The following LTBP1 variants were observed in gnomAD, a reference collection of about 807,000 sequenced individuals.
The protein encoded by LTBP1 is latent transforming growth factor beta binding protein 1.
Under a neutral mutation model 207.6 loss-of-function variants are expected in LTBP1, and 129 were observed. The ratio of observed to expected loss-of-function variants is 0.62; its 90% confidence interval spans 0.54 to 0.72. The LOEUF is 0.72. LTBP1 is among the 30% of genes least tolerant of loss of function. The pLI is 0.00. For missense variants in LTBP1, 2,281 were observed against 2,217.2 expected (o/e 1.03, Z -0.58); for synonymous variants, 963 against 833.7 (o/e 1.16, Z -2.67).
intron 7 of LTBP1, among the ~76,000 whole-genome samples, chr2:33,207,072 C>G (rs2089940446): frequency 6.6e-6 from 1 of 152,114 alleles, no homozygotes; most frequent in African/African-American, 2.4e-5. Context: ...ATATCACAGC[C>G]TGGAAGAAGA....
At chr2:33,303,701 G>A (rs988921670) in intron 22 of LTBP1, among the ~76,000 whole-genome samples, 3 of 152,082 alleles carry the variant, frequency 2.0e-5, no homozygotes, top group South Asian at 4.1e-4. Flanking sequence ...CCTCACATGC[G>A]CTGTTCACAA....
chr2:33,184,613 C>T (rs909259627), intron 5 of LTBP1, among the ~76,000 whole-genome samples: 11 of 152,034 alleles, frequency 7.2e-5, no homozygotes, highest in African/African-American at 2.7e-4. Context: ...TCATACTTTC[C>T]AGTTACCGCT....
chr2:33,160,142 G>A (rs1236327122), intron 5 of LTBP1, among the ~76,000 whole-genome samples: 1 of 152,162 alleles, frequency 6.6e-6, no homozygotes, highest in East Asian at 1.9e-4. Context: ...GCCTCCCAAA[G>A]TGCTAGGATA....
At chr2:33,081,745 C>T (rs1034876526) in intron 3 of LTBP1, among the ~76,000 whole-genome samples, 14 of 152,072 alleles carry the variant, frequency 9.2e-5, no homozygotes, top group African/African-American at 3.1e-4. Flanking sequence ...CCCCATATGT[C>T]GTGGGAGGGA....
chr2:33,092,300 G>A (rs35059012), intron 3 of LTBP1, among the ~76,000 whole-genome samples: 26,348 of 152,210 alleles, frequency 0.17, 2,747 homozygotes, highest in South Asian at 0.23. Context: ...TAAAGGATCT[G>A]TTCTTTATTG....
chr2:33,249,317 G>C (rs2092610607), intron 10 of LTBP1, among the ~76,000 whole-genome samples: 1 of 118,084 alleles, frequency 8.5e-6, no homozygotes. Context: ...CAGTAGGTCT[G>C]ATTTTTCACA....
intron 5 of LTBP1, among the ~76,000 whole-genome samples, 180 bp from the exon 6 acceptor site, chr2:33,186,676 G>A (rs527887195): frequency 6.6e-6 from 1 of 152,276 alleles, no homozygotes; most frequent in African/African-American, 2.4e-5. Context: ...AAAGAAAAAG[G>A]TAGTCAGTAA....
At chr2:33,060,779 G>A (rs1417755572) in intron 3 of LTBP1, among the ~76,000 whole-genome samples, 1 of 151,856 alleles carries the variant, frequency 6.6e-6, no homozygotes, top group African/African-American at 2.4e-5. Context: ...GGGATCAGAA[G>A]GGCCACTGGT....
intron 3 of LTBP1, among the ~76,000 whole-genome samples, chr2:33,083,320 G>A (rs909877657): frequency 2.6e-5 from 4 of 151,924 alleles, no homozygotes; most frequent in Non-Finnish European, 5.9e-5. Context: ...GAAGGGGAAT[G>A]TACCAGAAAG....
At chr2:32,981,903 TA>T (rs1682817243) in intron 2 of LTBP1, among the ~76,000 whole-genome samples, 1 of 152,232 alleles carries the variant, frequency 6.6e-6, no homozygotes, top group Non-Finnish European at 1.5e-5. Flanking sequence ...ACCTGTTTTA[TA>T]AATTATCCAG....
intron 18 of LTBP1, among the ~76,000 whole-genome samples, chr2:33,277,823 T>TTCTCTCTC (rs1553479881): frequency 1.3e-4 from 11 of 83,544 alleles, no homozygotes; most frequent in African/African-American, 5.0e-4. Flanking sequence ...TTTTCTTTCT[T>TTCTCTCTC]TCTTTCTTTT....
At chr2:33,305,631 A>G (rs945478041) in intron 22 of LTBP1, among the ~76,000 whole-genome samples, 3 of 152,174 alleles carry the variant, frequency 2.0e-5, no homozygotes, top group Non-Finnish European at 4.4e-5. Context: ...CTGAAAGGCA[A>G]TTGTATCTAT....
chr2:33,252,928 G>A, intron 11 of LTBP1, 84 bp downstream of exon 11: 5 of 1,170,050 alleles, frequency 4.3e-6, no homozygotes, highest in Non-Finnish European at 4.6e-6. Flanking sequence ...GGTCATTTGT[G>A]GTTTCTGACT....
At position 33,377,998 on chromosome 2, in the gene LTBP1, G is replaced by T. The variant is rs540349904; in HGVS notation, c.4712-11186G>T. Among the ~76,000 whole-genome samples the T allele has an allele frequency of 2.6e-5, 4 of 152,208 alleles. No homozygotes were observed. The South Asian group carries it at 6.2e-4, about 24-fold the overall frequency. ...TTACAATTCAAGATGAGATTTGGGTGGGGACACAAAGTCAAACCATATCAA... is the reference window on the plus strand; with the variant it reads ...TTACAATTCAAGATGAGATTTGGGTTGGGACACAAAGTCAAACCATATCAA... On this transcript the variant is annotated intron_variant, in intron 31 of 33. Transcript: ENST00000404816.
At chr2:33,311,857 A>G (rs923030350) in intron 23 of LTBP1, among the ~76,000 whole-genome samples, 3 of 152,224 alleles carry the variant, frequency 2.0e-5, no homozygotes, top group Admixed American at 2.0e-4. Context: ...TTTATTGACT[A>G]TCAATCATTA....
At chr2:32,959,496 C>T (rs544224750) in intron 2 of LTBP1, among the ~76,000 whole-genome samples, 22 of 147,676 alleles carry the variant, frequency 1.5e-4, no homozygotes, top group African/African-American at 4.3e-4. Context: ...CCAGACAATT[C>T]CAATGTGGCT....
At chr2:32,969,813 G>A (rs1037109671) in intron 2 of LTBP1, among the ~76,000 whole-genome samples, 2 of 152,286 alleles carry the variant, frequency 1.3e-5, no homozygotes, top group Non-Finnish European at 1.5e-5. Flanking sequence ...GGGTGAAAAG[G>A]TAGCTCTGTT....
Position 33,319,767 on chromosome 2 carries a change from G to A in LTBP1, c.3730+4498G>A, listed in dbSNP as rs995676753. Among the ~76,000 whole-genome samples, 8 of 152,204 alleles carry A rather than the reference G, an allele frequency of 5.3e-5. No homozygotes were observed. In the East Asian group the frequency reaches 1.5e-3, roughly 29 times the overall value. ...ACAGCGGCCATGTTCATCTAGCAGG[G>A]ACCCCAAGGAGCCCAGCCACACAGA... On this transcript the variant is annotated intron_variant, in intron 24 of 33. Coordinates refer to ENST00000404816, the MANE Select transcript of LTBP1 (RefSeq NM_206943.4).
In LTBP1 at chr2:33,134,288, C is replaced by T; in HGVS notation, c.1034-505C>T. On this transcript the variant is annotated intron_variant, in intron 4 of 33. Transcript: ENST00000404816. This position sits in a 1 kb window ranked among gnomAD's most constrained non-coding sequence, Gnocchi z 4.4. ...TTTGAGACAGATGTTTTCAGACATG[C>T]CGCATGCCTAAAACATTTCCAGGGG... is the stretch of plus-strand genomic sequence containing the variant. 2.6e-6 allele frequency: 1 copy of T among 385,250 alleles called. No homozygotes were observed. The highest frequency in any genetic ancestry group is 1.9e-5 in the South Asian group (1 of 51,878). 23.9% of individuals were successfully genotyped at this position (385,250 alleles called of 1,614,324 possible). A position where few individuals can be genotyped will look rare whatever the true frequency, so the allele number is the denominator to read the frequency against.
Sources: gnomAD v4.1 joint callset for allele counts (sites outside exome capture counted in the v4.1 genomes callset) on GRCh38, gnomAD v4.1.1 for gene constraint, Gnocchi (gnomAD v3.1) non-coding constraint, MANE v1.5 for transcripts, NCBI Gene and HGNC (gene_info 2026-07-23, HGNC 2026-07-21) for gene names.